The following CACNB4 variants were observed in gnomAD, a reference collection of about 807,000 sequenced individuals.
CACNB4 encodes the protein voltage-dependent L-type calcium channel subunit beta-4.
Under a neutral mutation model 71.2 loss-of-function variants are expected in CACNB4, and 32 were observed. The ratio of observed to expected loss-of-function variants is 0.45; its 90% CI spans 0.34 to 0.60. The LOEUF is 0.60. CACNB4 is among the 20% of genes least tolerant of loss of function. The pLI is 0.01. For synonymous variants in CACNB4, 231 were observed against 236.9 expected (o/e 0.97, Z 0.23); for missense variants, 464 against 647.9 (o/e 0.72, Z 3.08).
intron 2 of CACNB4, among the ~76,000 whole-genome samples, chr2:152,071,525 T>C (rs1686690248): frequency 6.6e-6 from 1 of 152,218 alleles, no homozygotes; most frequent in Non-Finnish European, 1.5e-5. Flanking sequence ...CTCGGCATGT[T>C]CTATGTTAAT....
intron 2 of CACNB4, among the ~76,000 whole-genome samples, chr2:152,074,260 C>A (rs1431700870): frequency 6.6e-6 from 1 of 151,660 alleles, no homozygotes; most frequent in Non-Finnish European, 1.5e-5. Context: ...CCCATTTATA[C>A]CAATACCACC....
At chr2:151,968,045 T>C (rs2099871607) in intron 2 of CACNB4, 1 of 152,236 alleles carries the variant, frequency 6.6e-6, no homozygotes, top group Non-Finnish European at 1.5e-5. Flanking sequence ...CAATACATGC[T>C]GTAAAAATAG....
intron 2 of CACNB4, among the ~76,000 whole-genome samples, chr2:152,012,882 G>A (rs111907554): frequency 1.7e-4 from 25 of 150,600 alleles, no homozygotes; most frequent in African/African-American, 5.6e-4. Flanking sequence ...TGGCATTCAC[G>A]TTCACTCAGG....
At chr2:151,888,556 C>A (rs891735669) in intron 2 of CACNB4, among the ~76,000 whole-genome samples, 1 of 152,060 alleles carries the variant, frequency 6.6e-6, no homozygotes. Context: ...CAGAACAAGA[C>A]CCTGTCTCAA....
chr2:151,903,934 T>A (rs958100289), intron 2 of CACNB4, among the ~76,000 whole-genome samples: 5 of 152,144 alleles, frequency 3.3e-5, no homozygotes, highest in African/African-American at 1.2e-4. Flanking sequence ...TGTGTCCCCA[T>A]TGTGGGCTTG....
chr2:152,067,249 T>C (rs547019959), intron 2 of CACNB4, among the ~76,000 whole-genome samples: 31 of 152,234 alleles, frequency 2.0e-4, no homozygotes, highest in Admixed American at 1.4e-3. Flanking sequence ...TGCTTCTGCA[T>C]GTCAGCCCCA....
chr2:151,859,529 T>C (rs2099841125), intron 10 of CACNB4: 1 of 152,240 alleles, frequency 6.6e-6, no homozygotes, highest in Non-Finnish European at 1.5e-5. Flanking sequence ...TATTTAACTT[T>C]AGTCATTACC....
At chr2:151,957,257 C>CGTGTATATGT (rs3068823) in intron 2 of CACNB4, among the ~76,000 whole-genome samples, 8 of 131,788 alleles carry the variant, frequency 6.1e-5, no homozygotes, top group Non-Finnish European at 9.7e-5. Flanking sequence ...AGTGGCTGGG[C>CGTGTATATGT]GTGTGTGTGT....
chr2:151,878,201 T>C (rs2099846943), intron 4 of CACNB4, among the ~76,000 whole-genome samples: 1 of 150,394 alleles, frequency 6.6e-6, no homozygotes, highest in South Asian at 2.3e-4. Flanking sequence ...TATGTCTGTG[T>C]GTGTATATAT....
rs114357004 is a variant in CACNB4, at chr2:151,860,606, C to T, written c.868+105G>A. 1.0e-3 allele frequency: 834 copies of T among 799,668 alleles called. 5 individuals are homozygous for T. Among genetic ancestry groups the T allele is most frequent in the African/African-American group, 9.6e-3 (568 of 59,278 alleles). The allele number at this position is 799,668 out of a possible 1,614,324, so 49.5% of individuals were successfully genotyped here. On this transcript the variant is annotated intron_variant, in intron 10 of 13. Coordinates refer to ENST00000539935, the MANE Select transcript of CACNB4 (RefSeq NM_000726.5). Reference sequence around the variant, plus strand: ...TTCTTTTTAGGTACTCAGTGCTCCCCCGTTCAGAATGGGGAACAAATTGAA... The same window carrying T: ...TTCTTTTTAGGTACTCAGTGCTCCCTCGTTCAGAATGGGGAACAAATTGAA...
chr2:152,022,481 C>T lies in CACNB4; in HGVS notation c.147+75849G>A, dbSNP rs558773378. ...ACATCAGCAGTAATCAAGAATAATC[C>T]CTATTGCTACAATTTTTCTAAAATT... On this transcript the variant is annotated intron_variant, in intron 2 of 13. Coordinates refer to ENST00000539935, the MANE Select transcript of CACNB4 (RefSeq NM_000726.5). Among the ~76,000 whole-genome samples, 4 of 152,260 alleles carry T rather than the reference C, an allele frequency of 2.6e-5. No homozygotes were observed. The East Asian group carries it at 5.8e-4, about 22-fold the overall frequency.
chr2:152,077,257 C>T (rs1043898082), intron 2 of CACNB4, among the ~76,000 whole-genome samples: 1 of 151,950 alleles, frequency 6.6e-6, no homozygotes, highest in Non-Finnish European at 1.5e-5. Context: ...CTTGTCTCTA[C>T]TAAAATATAA....
chr2:151,971,337 C>A, intron 2 of CACNB4: 3 of 595,060 alleles, frequency 5.0e-6, no homozygotes, highest in Admixed American at 2.9e-5. Flanking sequence ...CCCCACACAC[C>A]CCACAAAGAC....
chr2:151,930,574 C>G (rs2099861385), intron 2 of CACNB4, among the ~76,000 whole-genome samples: 1 of 152,120 alleles, frequency 6.6e-6, no homozygotes, highest in South Asian at 2.1e-4. Context: ...GAACTGCATA[C>G]CTGCTCATTA....
intron 2 of CACNB4, among the ~76,000 whole-genome samples, chr2:152,006,404 T>TC (rs1435570343): frequency 2.0e-5 from 3 of 150,556 alleles, no homozygotes; most frequent in African/African-American, 4.9e-5. Flanking sequence ...TTTCTTTCTT[T>TC]TTTTTTTTTT....
chr2:152,016,496 T>C (rs192363273), intron 2 of CACNB4, among the ~76,000 whole-genome samples: 5 of 152,350 alleles, frequency 3.3e-5, no homozygotes, highest in Admixed American at 2.0e-4. Flanking sequence ...CTACTCTGGT[T>C]TGAATCCTTT....
chr2:151,839,010 C>T lies in CACNB4; in HGVS notation c.*109G>A. On this transcript the variant is annotated 3_prime_UTR_variant, in exon 14 of 14. Transcript: ENST00000539935. Reference sequence around the variant, plus strand: ...TACTTAGCATAAAATGACAGCAGCCCATTAGCACAGTAAATACTGTGCTAT... The same window carrying T: ...TACTTAGCATAAAATGACAGCAGCCTATTAGCACAGTAAATACTGTGCTAT... 1.1e-6 allele frequency: 1 copy of T among 927,290 alleles called. No homozygotes were observed. The highest frequency in any genetic ancestry group is 1.6e-6 in the Non-Finnish European group (1 of 625,932). The allele number at this position is 927,290 out of a possible 1,614,324, so 57.4% of individuals were successfully genotyped here.
At chr2:151,901,266 A>G (rs1194669830) in intron 2 of CACNB4, among the ~76,000 whole-genome samples, 2 of 152,024 alleles carry the variant, frequency 1.3e-5, no homozygotes, top group African/African-American at 4.8e-5. Flanking sequence ...TACAGGTATG[A>G]GCCACCGTGC....
At chr2:152,001,283 TGG>T (rs1044367103) in intron 2 of CACNB4, among the ~76,000 whole-genome samples, 2 of 151,906 alleles carry the variant, frequency 1.3e-5, no homozygotes, top group Non-Finnish European at 2.9e-5. Context: ...GCAGCAAGAA[TGG>T]GGCCTGAGAC....
Sources: allele counts gnomAD v4.1 joint callset (sites outside exome capture counted in the v4.1 genomes callset), GRCh38; gene constraint gnomAD v4.1.1; transcripts MANE v1.5; gene names NCBI Gene and HGNC (gene_info 2026-07-23, HGNC 2026-07-21).